The following ROBO1 variants were observed in gnomAD, a reference collection of about 807,000 sequenced individuals.
ROBO1 encodes roundabout homolog 1.
Under a neutral mutation model 195.9 loss-of-function variants are expected in ROBO1, and 149 were observed. The observed-to-expected ratio is 0.76, with a 90% CI of 0.67 to 0.87. ROBO1 has a LOEUF of 0.87. Among genes scored for constraint, ROBO1 ranks in the 40% least tolerant of loss-of-function variants. The probability of loss-of-function intolerance (pLI) is 0.00; values close to 1 mark genes in which losing one functional copy is unlikely to be tolerated. For synonymous variants in ROBO1, 816 were observed against 733.2 expected (o/e 1.11, Z -1.82); for missense variants, 1,933 against 2,068.3 (o/e 0.93, Z 1.27).
At chr3:78,909,698 T>A (rs420481) in intron 4 of ROBO1, among the ~76,000 whole-genome samples, 58,492 of 151,432 alleles carry the variant, frequency 0.39, 12,143 homozygotes, top group African/African-American at 0.54. Context: ...TTTTGAAAAA[T>A]GTAATCACTT....
intron 4 of ROBO1, among the ~76,000 whole-genome samples, chr3:78,769,341 G>A (rs772375460): frequency 3.9e-5 from 6 of 152,110 alleles, no homozygotes; most frequent in Non-Finnish European, 8.8e-5. Context: ...TTTAACCACT[G>A]TTGCTTTAAA....
intron 21 of ROBO1, among the ~76,000 whole-genome samples, chr3:78,642,692 A>G (rs567957569): frequency 1.3e-3 from 200 of 152,312 alleles, no homozygotes; most frequent in African/African-American, 4.7e-3. Context: ...AATGAGTAGC[A>G]ACGGCTACTT....
At chr3:79,666,251 T>A (rs1439245405) in intron 1 of ROBO1, among the ~76,000 whole-genome samples, 1 of 151,828 alleles carries the variant, frequency 6.6e-6, no homozygotes, top group East Asian at 1.9e-4. Flanking sequence ...CCCATTTGGG[T>A]TTCAATGATC....
intron 10 of ROBO1, among the ~76,000 whole-genome samples, chr3:78,683,391 G>A (rs962231623): frequency 5.3e-5 from 8 of 151,982 alleles, no homozygotes; most frequent in Admixed American, 2.0e-4. Flanking sequence ...TAGGGAGTGG[G>A]TGTGTACATG....
intron 2 of ROBO1, among the ~76,000 whole-genome samples, chr3:79,563,940 A>ATGTAAAT (rs1344995024): frequency 2.6e-5 from 4 of 151,994 alleles, no homozygotes; most frequent in African/African-American, 7.2e-5. Flanking sequence ...GATTTAACTT[A>ATGTAAAT]TGTAAATTGA....
chr3:79,475,988 T>C lies in ROBO1; in HGVS notation c.88+113836A>G, dbSNP rs1938528415. ...AATGGATAAAATAAAATAAATGGAG[T>C]TAAAATGATATTAAAAATCTGTTGA... On this transcript the variant is annotated intron_variant, in intron 2 of 30. Coordinates refer to ENST00000464233, the MANE Select transcript of ROBO1 (RefSeq NM_002941.4). 1.3e-5 allele frequency among the ~76,000 whole-genome samples: 2 copies of C among 151,880 alleles called. 1 individual carries two copies. The highest frequency in any genetic ancestry group is 4.1e-4 in the South Asian group (2 of 4,824).
intron 4 of ROBO1, among the ~76,000 whole-genome samples, chr3:78,876,932 T>C (rs1006486411): frequency 3.3e-5 from 5 of 152,118 alleles, no homozygotes; most frequent in African/African-American, 1.2e-4. Context: ...ATAACATCAT[T>C]TGGGATTAAC....
chr3:78,772,629 A>AT (rs1247230129), intron 4 of ROBO1, among the ~76,000 whole-genome samples: 4 of 152,016 alleles, frequency 2.6e-5, no homozygotes, highest in East Asian at 1.9e-4. Context: ...ATATCATCCT[A>AT]TTTTTTTCTT....
chr3:79,029,475 T>C (rs1275176983), intron 3 of ROBO1, among the ~76,000 whole-genome samples: 4 of 152,162 alleles, frequency 2.6e-5, no homozygotes, highest in African/African-American at 9.6e-5. Context: ...AGAGAACACT[T>C]GACAAAGTCT....
intron 2 of ROBO1, among the ~76,000 whole-genome samples, chr3:79,137,232 TG>T (rs1478460401): frequency 3.9e-5 from 6 of 152,074 alleles, no homozygotes; most frequent in African/African-American, 1.4e-4. Flanking sequence ...AGTGACTGGA[TG>T]GTTCTTTCAA....
chr3:79,671,894 C>T (rs1560087811), intron 1 of ROBO1, among the ~76,000 whole-genome samples: 1 of 151,842 alleles, frequency 6.6e-6, no homozygotes, highest in Non-Finnish European at 1.5e-5. Flanking sequence ...GTTTCATTAG[C>T]TTACTAATGT....
intron 4 of ROBO1, among the ~76,000 whole-genome samples, chr3:78,928,577 T>A (rs1576415123): frequency 6.6e-6 from 1 of 152,160 alleles, no homozygotes; most frequent in South Asian, 2.1e-4. Context: ...GAAAAGCAAA[T>A]ATCCACAGAT....
rs920236659 is a variant in ROBO1, at chr3:78,938,696, C to T, written c.404G>A (p.Gly135Glu). The T allele has an allele frequency of 6.2e-7, 1 of 1,614,002 alleles. No homozygotes were observed. The highest frequency in any genetic ancestry group is 2.2e-5 in the East Asian group (1 of 44,880). The stretch of plus-strand genomic sequence containing the variant: ...TCCTTCATCAGGTCTACTTTTCCGT[C>T]CATGTACTATACGTAAGAAAAATAA... ...GSLFFLRIVH[G>E]RKSRPDEGVY... The change falls in exon 4 of 31, where the codon GGA (glycine) becomes GAA (glutamate). Residue 135 changes from glycine to glutamate, a missense_variant. Coordinates refer to ENST00000464233, the MANE Select transcript of ROBO1 (RefSeq NM_002941.4).
chr3:79,492,286 G>A (rs62257601), intron 2 of ROBO1, among the ~76,000 whole-genome samples: 10,752 of 151,934 alleles, frequency 0.071, 568 homozygotes, highest in East Asian at 0.19. Flanking sequence ...TTAGCCAGGC[G>A]TGGTGGCTGG....
chr3:78,824,494 G>A (rs1376203337), intron 4 of ROBO1, among the ~76,000 whole-genome samples: 2 of 152,096 alleles, frequency 1.3e-5, no homozygotes, highest in Admixed American at 1.3e-4. Flanking sequence ...TATTTGTCAT[G>A]CTAAATGGCA....
chr3:79,117,818 T>G (rs1576695580), intron 3 of ROBO1, among the ~76,000 whole-genome samples: 1 of 152,266 alleles, frequency 6.6e-6, no homozygotes, highest in East Asian at 1.9e-4. Flanking sequence ...TCTATGATAG[T>G]GAAAAAAATA....
chr3:78,918,069 A>G lies in ROBO1; in HGVS notation c.499+20532T>C, dbSNP rs146794955. 1.1e-3 allele frequency among the ~76,000 whole-genome samples: 163 copies of G among 152,330 alleles called. 1 individual carries two copies. Among genetic ancestry groups the G allele is most frequent in the African/African-American group, 3.8e-3 (156 of 41,578 alleles). ...TTCAGTACATATTAACTGACGCTGA[A>G]TAACAATTGACAATAAGTTAAACAT... On this transcript the variant is annotated intron_variant, in intron 4 of 30. Transcript: ENST00000464233.
intron 2 of ROBO1, among the ~76,000 whole-genome samples, chr3:79,167,927 T>C (rs2081097584): frequency 6.6e-6 from 1 of 152,208 alleles, no homozygotes; most frequent in Non-Finnish European, 1.5e-5. Context: ...GCAGTTAATA[T>C]ATGCATGGGA....
intron 2 of ROBO1, among the ~76,000 whole-genome samples, chr3:79,442,054 T>A (rs1018361688): frequency 6.6e-6 from 1 of 152,094 alleles, no homozygotes; most frequent in Non-Finnish European, 1.5e-5. Context: ...TAAAAGAATA[T>A]AATCTCTCGG....
Sources: allele counts gnomAD v4.1 joint callset (sites outside exome capture counted in the v4.1 genomes callset), GRCh38; gene constraint gnomAD v4.1.1; transcripts MANE v1.5; gene names NCBI Gene and HGNC (gene_info 2026-07-23, HGNC 2026-07-21).